FRMD6: variants seen among roughly 807,000 people sequenced by gnomAD.
FRMD6 encodes FERM domain containing 6, also known as FERM domain-containing protein 6.
A neutral mutation model predicts 73.2 loss-of-function variants in FRMD6; 37 were observed. That is an observed-to-expected ratio of 0.51 (90% CI 0.39 to 0.66). FRMD6 has a LOEUF of 0.66. Ranked by LOEUF, FRMD6 falls within the 30% of genes least tolerant of loss-of-function variation. FRMD6 has a pLI of 0.00. For synonymous variants in FRMD6, 273 were observed against 282.2 expected (o/e 0.97, Z 0.33); for missense variants, 714 against 780.5 (o/e 0.91, Z 1.02).
intron 1 of FRMD6, among the ~76,000 whole-genome samples, chr14:51,551,634 G>C (rs933557760): frequency 1.3e-5 from 2 of 152,118 alleles, no homozygotes; most frequent in African/African-American, 4.8e-5. Flanking sequence ...CTACTTGGGG[G>C]GCTGAGGTGG....
intron 2 of FRMD6, among the ~76,000 whole-genome samples, chr14:51,589,393 C>A (rs1889244707): frequency 6.7e-6 from 1 of 150,074 alleles, no homozygotes; most frequent in Non-Finnish European, 1.5e-5. Context: ...TCTTTTTTTG[C>A]TGATGGAATC....
intron 1 of FRMD6, among the ~76,000 whole-genome samples, chr14:51,549,595 CTT>C (rs35356416): frequency 1.0e-5 from 1 of 98,008 alleles, no homozygotes. Flanking sequence ...TTTTTTCTTT[CTT>C]TTTTTTTTTT....
At chr14:51,415,559 G>A in the FRMD6 span, among the ~76,000 whole-genome samples, 2 of 152,088 alleles carry the variant, frequency 1.3e-5, no homozygotes, top group South Asian at 2.1e-4. Flanking sequence ...GTTGGCCAGT[G>A]TTTTATTGAG....
chr14:51,400,753 AGGCTGTGAGCACTCAGCATGCTG>A, the FRMD6 span, among the ~76,000 whole-genome samples: 4 of 152,240 alleles, frequency 2.6e-5, no homozygotes, highest in Non-Finnish European at 5.9e-5. Flanking sequence ...GACAGCCTAC[AGGCTGTGAGCACTCAGCATGCTG>A]GGGCATTAGA....
At chr14:51,667,533 C>T (rs1420511009) in intron 1 of FRMD6, among the ~76,000 whole-genome samples, 1 of 152,158 alleles carries the variant, frequency 6.6e-6, no homozygotes, top group East Asian at 1.9e-4. Flanking sequence ...CTTAACCCAT[C>T]TAAATATAGT....
intron 7 of FRMD6, among the ~76,000 whole-genome samples, chr14:51,709,426 C>T (rs1473953199): frequency 2.0e-5 from 3 of 152,146 alleles, no homozygotes; most frequent in Non-Finnish European, 4.4e-5. Context: ...TAGTATTATG[C>T]TTGTTATCTC....
chr14:51,715,850 A>T (rs11157842), intron 10 of FRMD6, among the ~76,000 whole-genome samples: 39,861 of 152,124 alleles, frequency 0.26, 6,028 homozygotes, highest in Non-Finnish European at 0.34. Context: ...TGCATTTTAG[A>T]GCTTTGTATT....
the FRMD6 span, among the ~76,000 whole-genome samples, chr14:51,412,578 G>A: frequency 3.3e-5 from 5 of 152,122 alleles, no homozygotes; most frequent in South Asian, 2.1e-4. Context: ...CAGGCCGGGC[G>A]CGGTGGCTCA....
At position 51,603,939 on chromosome 14, in the gene FRMD6, T is replaced by C. The variant is rs563798179; in HGVS notation, c.-147+33529T>C. Among the ~76,000 whole-genome samples the C allele has an allele frequency of 9.7e-5, 7 of 71,864 alleles. No individual in the cohort carries two copies. The East Asian group carries it at 2.4e-3, about 25-fold the overall frequency. The allele number at this position is 71,864 out of a possible 152,430, so 47.1% of individuals were successfully genotyped here. On this transcript the variant is annotated intron_variant, in intron 2 of 14. Coordinates refer to the FRMD6 transcript ENST00000356218. ...CTGCCTTCCACGGTAATTTCTCTTG[T>C]GATACAAAAAAAAAAAAAAAGTCCC...
chr14:51,692,289 T>C (rs889012996), intron 2 of FRMD6, among the ~76,000 whole-genome samples: 1 of 152,162 alleles, frequency 6.6e-6, no homozygotes, highest in Non-Finnish European at 1.5e-5. Flanking sequence ...CTTTTTTCAG[T>C]GGGGGCACTA....
chr14:51,458,118 G>A, the FRMD6 span, among the ~76,000 whole-genome samples: 2 of 152,204 alleles, frequency 1.3e-5, no homozygotes, highest in African/African-American at 4.8e-5. Context: ...CCAAAATTCA[G>A]TGGTTCACTC....
At chr14:51,512,646 A>G (rs1227119676) in intron 1 of FRMD6, among the ~76,000 whole-genome samples, 1 of 152,098 alleles carries the variant, frequency 6.6e-6, no homozygotes, top group African/African-American at 2.4e-5. Flanking sequence ...ATGGATAAAA[A>G]GAACTAAAGT....
intron 1 of FRMD6, among the ~76,000 whole-genome samples, chr14:51,566,973 T>A (rs726531): frequency 3.3e-5 from 5 of 152,170 alleles, no homozygotes; most frequent in South Asian, 2.1e-4. Context: ...CATTGAAAAC[T>A]CAAATGCCCA....
At chr14:51,541,751 A>C (rs1292288097) in intron 1 of FRMD6, among the ~76,000 whole-genome samples, 1 of 152,100 alleles carries the variant, frequency 6.6e-6, no homozygotes, top group Non-Finnish European at 1.5e-5. Context: ...AACCTTGATC[A>C]GGGAACAGAA....
rs558885806 is a variant in FRMD6, at chr14:51,722,092, C to G, written c.1492+12C>G. 337 of 1,613,312 alleles carry G rather than the reference C, an allele frequency of 2.1e-4. 8 individuals are homozygous for G. The South Asian group carries it at 3.6e-3, about 17-fold the overall frequency. ...GAATGGACACTCTGGTGAGCTCTTA[C>G]GGGAAGTTATTCTTCCTTGGTAGCA... is the stretch of plus-strand genomic sequence containing the variant. On this transcript the variant is annotated intron_variant, in intron 12 of 13. Coordinates refer to ENST00000344768, the MANE Select transcript of FRMD6 (RefSeq NM_001267046.2).
At chr14:51,500,202 A>G (rs559611658) in intron 1 of FRMD6, among the ~76,000 whole-genome samples, 2 of 152,304 alleles carry the variant, frequency 1.3e-5, no homozygotes, top group African/African-American at 4.8e-5. Context: ...GAAATGTTAG[A>G]GATGTAAACG....
intron 2 of FRMD6, among the ~76,000 whole-genome samples, chr14:51,626,495 T>C (rs1891122133): frequency 6.6e-6 from 1 of 152,216 alleles, no homozygotes; most frequent in Non-Finnish European, 1.5e-5. Context: ...TCTTTTTTCT[T>C]GTAAATAGGA....
In FRMD6 at chr14:51,531,464, A is replaced by G. The variant is rs183965750; in HGVS notation, c.-209-38884A>G. On this transcript the variant is annotated intron_variant, in intron 1 of 14. Transcript: ENST00000356218. ...TTGAGGTATTATTATCACAGCCACA[A>G]GGAGAAATGACAACTAAATGCAATT... 8.5e-5 allele frequency among the ~76,000 whole-genome samples: 13 copies of G among 152,322 alleles called. No individual in the cohort carries two copies. The East Asian group carries it at 2.1e-3, about 25-fold the overall frequency.
intron 9 of FRMD6, among the ~76,000 whole-genome samples, chr14:51,713,194 C>T (rs1017868078): frequency 1.3e-5 from 2 of 152,140 alleles, no homozygotes; most frequent in Admixed American, 6.5e-5. Context: ...CAGTGGCTCA[C>T]TCCTATAATC....
Sources: gnomAD v4.1 joint callset for allele counts (sites outside exome capture counted in the v4.1 genomes callset) on GRCh38, gnomAD v4.1.1 for gene constraint, MANE v1.5 for transcripts, NCBI Gene and HGNC (gene_info 2026-07-23, HGNC 2026-07-21) for gene names.